Variants in ROBO2 observed in about 807,000 individuals in gnomAD.
ROBO2 encodes roundabout guidance receptor 2, also known as roundabout homolog 2.
Under a neutral mutation model 160.8 loss-of-function variants are expected in ROBO2, and 53 were observed. That is an observed-to-expected ratio of 0.33 (90% CI 0.26 to 0.41). ROBO2 has a LOEUF of 0.41. ROBO2 is among the 10% of genes least tolerant of loss of function. The pLI is 1.00. For missense variants in ROBO2, 1,577 were observed against 1,722.4 expected (o/e 0.92, Z 1.49); for synonymous variants, 664 against 611.7 (o/e 1.09, Z -1.26).
At chr3:77,516,737 T>C (rs974263083) in intron 5 of ROBO2, among the ~76,000 whole-genome samples, 3 of 151,756 alleles carry the variant, frequency 2.0e-5, no homozygotes, top group African/African-American at 4.8e-5. Context: ...ATCATATCAA[T>C]ATGAATTTAA....
intron 2 of ROBO2, among the ~76,000 whole-genome samples, chr3:77,232,102 C>T (rs1390711929): frequency 1.3e-5 from 2 of 152,056 alleles, no homozygotes; most frequent in South Asian, 2.1e-4. Context: ...TGCTATGAGT[C>T]GAGTACTTTT....
In ROBO2 at chr3:76,504,379, C is replaced by T. The variant is rs577402133; in HGVS notation, c.109+566777C>T. On this transcript the variant is annotated intron_variant, in intron 2 of 26. Coordinates refer to the ROBO2 transcript ENST00000487694. ...AAAGCAACGGCCAGCGCCTAATGAC[C>T]GTGAAGAACTATGAGATCCGTCAGA... Among the ~76,000 whole-genome samples the T allele has an allele frequency of 3.1e-4, 47 of 152,174 alleles. No homozygotes were observed. In the Middle Eastern group the frequency reaches 0.01, roughly 33 times the overall value.
chr3:77,046,185 A>C, intron 1 of ROBO2, among the ~76,000 whole-genome samples: 1 of 152,242 alleles, frequency 6.6e-6, no homozygotes, highest in Admixed American at 6.5e-5. Flanking sequence ...TTTCCAAAGC[A>C]GCTGTGCTAC....
intron 2 of ROBO2, among the ~76,000 whole-genome samples, chr3:76,340,497 C>T (rs1351535743): frequency 2.0e-5 from 3 of 152,136 alleles, no homozygotes; most frequent in Non-Finnish European, 4.4e-5. Context: ...GTGAAGTCTA[C>T]AGTACTGAAG....
chr3:77,140,849 A>G (rs1002773439), intron 2 of ROBO2, among the ~76,000 whole-genome samples: 2 of 152,224 alleles, frequency 1.3e-5, no homozygotes, highest in African/African-American at 4.8e-5. Flanking sequence ...AAAGAAACCT[A>G]TAATAACTCT....
At chr3:76,506,615 G>T (rs534425995) in intron 2 of ROBO2, among the ~76,000 whole-genome samples, 10 of 152,240 alleles carry the variant, frequency 6.6e-5, no homozygotes, top group African/African-American at 2.4e-4. Context: ...CTTCATTAGA[G>T]ATTTAATAAG....
chr3:76,490,442 T>C (rs2079754644), intron 2 of ROBO2, among the ~76,000 whole-genome samples: 1 of 152,166 alleles, frequency 6.6e-6, no homozygotes, highest in Non-Finnish European at 1.5e-5. Context: ...GTAGTGTCTA[T>C]CGTTAGTAAG....
At chr3:77,002,747 T>C (rs2061394497) in intron 2 of ROBO2, among the ~76,000 whole-genome samples, 1 of 152,176 alleles carries the variant, frequency 6.6e-6, no homozygotes. Flanking sequence ...ATTATTAATT[T>C]AATTGTGGTT....
chr3:76,228,091 A>G (rs1361405230), intron 2 of ROBO2, among the ~76,000 whole-genome samples: 1 of 152,212 alleles, frequency 6.6e-6, no homozygotes, highest in Non-Finnish European at 1.5e-5. Context: ...CTAATTTGAA[A>G]TAAAAAAGTG....
At chr3:77,050,633 C>T (rs1458792972) in intron 1 of ROBO2, among the ~76,000 whole-genome samples, 1 of 147,638 alleles carries the variant, frequency 6.8e-6, no homozygotes, top group African/African-American at 2.5e-5. Flanking sequence ...AGAGTTACAA[C>T]ATTTAATGTG....
At chr3:76,163,658 G>A (rs144538003) in intron 2 of ROBO2, among the ~76,000 whole-genome samples, 583 of 151,588 alleles carry the variant, frequency 3.8e-3, no homozygotes, top group Middle Eastern at 0.017. Context: ...AGAAATTATT[G>A]TTTTTTTCAA....
chr3:77,343,208 A>C (rs867663800), intron 2 of ROBO2, among the ~76,000 whole-genome samples: 22 of 152,256 alleles, frequency 1.4e-4, no homozygotes, highest in Middle Eastern at 3.4e-3. Flanking sequence ...TTAACATATA[A>C]ATTTTGAGAG....
At chr3:77,600,342 A>C (rs1441306462) in intron 19 of ROBO2, among the ~76,000 whole-genome samples, 1 of 152,220 alleles carries the variant, frequency 6.6e-6, no homozygotes, top group Non-Finnish European at 1.5e-5. Flanking sequence ...ATTTGAAGAC[A>C]ATATGCAGCC....
intron 2 of ROBO2, among the ~76,000 whole-genome samples, chr3:77,020,457 T>A (rs137944498): frequency 4.4e-4 from 67 of 152,306 alleles, no homozygotes; most frequent in Non-Finnish European, 8.2e-4. Context: ...ATCGGTCTAT[T>A]TAAGCAAATG....
intron 2 of ROBO2, among the ~76,000 whole-genome samples, chr3:76,968,272 T>C (rs979131949): frequency 2.6e-5 from 4 of 152,182 alleles, no homozygotes; most frequent in African/African-American, 4.8e-5. Flanking sequence ...CTATACGTTA[T>C]GTTTATGAAA....
intron 2 of ROBO2, among the ~76,000 whole-genome samples, chr3:76,649,133 C>T (rs1286949721): frequency 1.3e-5 from 2 of 151,972 alleles, no homozygotes; most frequent in Non-Finnish European, 2.9e-5. Flanking sequence ...CAGAAAATAA[C>T]TTTGGAAGCA....
At chr3:77,206,420 G>A (rs1028770966) in intron 2 of ROBO2, among the ~76,000 whole-genome samples, 2 of 151,914 alleles carry the variant, frequency 1.3e-5, no homozygotes, top group Admixed American at 1.3e-4. Flanking sequence ...CGCCTGCTGT[G>A]GCCTCCTATA....
At chr3:77,478,435 C>T (rs952611460) in intron 3 of ROBO2, among the ~76,000 whole-genome samples, 1 of 152,018 alleles carries the variant, frequency 6.6e-6, no homozygotes, top group Admixed American at 6.5e-5. Context: ...TAACTGTTTT[C>T]AAAGGAAATT....
chr3:76,374,970 C>A (rs1198891555), intron 2 of ROBO2, among the ~76,000 whole-genome samples: 1 of 149,436 alleles, frequency 6.7e-6, no homozygotes, highest in Non-Finnish European at 1.5e-5. Context: ...TGGTCTATAG[C>A]ACTGTAGCAT....
Sources: allele counts gnomAD v4.1 joint callset (sites outside exome capture counted in the v4.1 genomes callset), GRCh38; gene constraint gnomAD v4.1.1; transcripts MANE v1.5; gene names NCBI Gene and HGNC (gene_info 2026-07-23, HGNC 2026-07-21).